Variants in CCN4 observed in about 807,000 individuals in gnomAD.
The protein encoded by CCN4 is cellular communication network factor 4.
A neutral mutation model predicts 36.7 loss-of-function variants in CCN4; 30 were observed. The observed-to-expected ratio is 0.82, with a 90% CI of 0.61 to 1.11. CCN4 has a LOEUF of 1.11. Ranked by LOEUF, CCN4 falls within the 50% of genes least tolerant of loss-of-function variation. The probability of loss-of-function intolerance (pLI) is 0.00; values close to 1 mark genes in which losing one functional copy is unlikely to be tolerated. For synonymous variants in CCN4, 191 were observed against 195.4 expected, an observed-to-expected ratio of 0.98 and a Z score of 0.19; for missense variants, 505 against 504.9, an observed-to-expected ratio of 1.00 and a Z score of 0.00.
chr8:133,204,772 C>T (rs975356412), intron 1 of CCN4, among the ~76,000 whole-genome samples: 2 of 152,212 alleles, frequency 1.3e-5, no homozygotes, highest in Non-Finnish European at 2.9e-5. Flanking sequence ...CCAGGCTGGT[C>T]TCGACCTCCT....
chr8:133,228,474 C>T lies in CCN4; in HGVS notation c.*764C>T, dbSNP rs976313373. 2 of 152,240 alleles carry T rather than the reference C, an allele frequency of 1.3e-5. No individual in the cohort carries two copies. The highest frequency in any genetic ancestry group is 2.9e-5 in the Non-Finnish European group (2 of 68,078). 9.4% of individuals were successfully genotyped at this position (152,240 alleles called of 1,614,324 possible). On this transcript the variant is annotated 3_prime_UTR_variant, in exon 5 of 5. Coordinates refer to ENST00000250160, the MANE Select transcript of CCN4 (RefSeq NM_003882.4). The stretch of plus-strand genomic sequence containing the variant: ...AGCCCGTTTCAGAAGGACCAATTGA[C>T]TCTCACACTGAATCAGCTGCTGACT...
chr8:133,223,626 GTTTC>G (rs1368488118), intron 3 of CCN4, among the ~76,000 whole-genome samples: 1 of 148,476 alleles, frequency 6.7e-6, no homozygotes, highest in East Asian at 2.2e-4. Flanking sequence ...CCTTCCTCCT[GTTTC>G]TTTCTCTCTC....
intron 2 of CCN4, among the ~76,000 whole-genome samples, chr8:133,220,185 G>A (rs1854465728): frequency 6.7e-6 from 1 of 150,264 alleles, no homozygotes; most frequent in African/African-American, 2.4e-5. Context: ...GTGTTTCGAA[G>A]TGTTCTGGCT....
At position 133,220,778 on chromosome 8, in the gene CCN4, T is replaced by C. The variant is rs1358293154; in HGVS notation, c.547T>C (p.Trp183Arg). The C allele has an allele frequency of 9.3e-6, 15 of 1,612,464 alleles. No homozygotes were observed. Among genetic ancestry groups the C allele is most frequent in the Middle Eastern group, 1.7e-4 (1 of 5,736 alleles). ...CATACCTGGCCACTGCTGTGAGCAG[T>C]GGGTATGTGAGGACGACGCCAAGAG... ...VSIPGHCCEQ[W>R]VCEDDAKRPR... The change falls in exon 3 of 5, where the codon TGG becomes CGG. Residue 183 changes from tryptophan (W) to arginine (R), a missense_variant. Transcript: ENST00000250160.
chr8:133,215,548 A>G (rs1394127398), intron 2 of CCN4, among the ~76,000 whole-genome samples: 1 of 152,156 alleles, frequency 6.6e-6, no homozygotes, highest in African/African-American at 2.4e-5. Context: ...TCATGGATCC[A>G]AAGATTGTGT....
At chr8:133,214,151 AACT>A (rs1282550868) in intron 2 of CCN4, among the ~76,000 whole-genome samples, 6 of 137,370 alleles carry the variant, frequency 4.4e-5, no homozygotes, top group African/African-American at 1.8e-4. Context: ...AGTTATATAT[AACT>A]ACTATATATA....
At chr8:133,220,160 G>C (rs187081883) in intron 2 of CCN4, among the ~76,000 whole-genome samples, 35 of 152,216 alleles carry the variant, frequency 2.3e-4, no homozygotes, top group African/African-American at 6.5e-4. Context: ...AATGTGTATG[G>C]AATGAATGGA....
At chr8:133,215,059 C>T (rs1178053858) in intron 2 of CCN4, among the ~76,000 whole-genome samples, 1 of 152,232 alleles carries the variant, frequency 6.6e-6, no homozygotes. Context: ...CATCCCACTT[C>T]TCCCATCTTT....
chr8:133,221,563 A>G (rs1341204867), intron 3 of CCN4, among the ~76,000 whole-genome samples: 1 of 149,828 alleles, frequency 6.7e-6, no homozygotes, highest in African/African-American at 2.5e-5. Flanking sequence ...GATGGATGGA[A>G]GGATGATGAA....
At chr8:133,211,795 C>T (rs575171192) in intron 1 of CCN4, among the ~76,000 whole-genome samples, 14 of 152,342 alleles carry the variant, frequency 9.2e-5, no homozygotes, top group Admixed American at 2.0e-4. Flanking sequence ...GGAGGACTGA[C>T]TCAAAGCCTG....
At chr8:133,204,583 A>G (rs1180863928) in intron 1 of CCN4, among the ~76,000 whole-genome samples, 1 of 152,196 alleles carries the variant, frequency 6.6e-6, no homozygotes, top group Admixed American at 6.5e-5. Flanking sequence ...TCTGGTTTTT[A>G]TCACTCTGTC....
intron 4 of CCN4, among the ~76,000 whole-genome samples, chr8:133,226,971 G>A (rs1305438284): frequency 6.6e-6 from 1 of 152,212 alleles, no homozygotes; most frequent in Non-Finnish European, 1.5e-5. Context: ...ATGTGTGAAA[G>A]GCCACGAGAG....
At chr8:133,194,366 GT>G (rs1853238375) in intron 1 of CCN4, among the ~76,000 whole-genome samples, 1 of 123,078 alleles carries the variant, frequency 8.1e-6, no homozygotes, top group Non-Finnish European at 1.8e-5. Flanking sequence ...GTGTGTGGGG[GT>G]GTGTGTGTGG....
intron 1 of CCN4, among the ~76,000 whole-genome samples, chr8:133,194,226 T>G (rs937870738): frequency 9.9e-5 from 15 of 151,322 alleles, no homozygotes; most frequent in African/African-American, 2.7e-4. Flanking sequence ...TGTGTGTGTG[T>G]GGGGTGGGGT....
At position 133,213,049 on chromosome 8, in the gene CCN4, C is replaced by A; in HGVS notation, c.255C>A (p.Asp85Glu). 6.2e-7 allele frequency: 1 copy of A among 1,614,178 alleles called. No individual in the cohort carries two copies. The highest frequency in any genetic ancestry group is 8.5e-7 in the Non-Finnish European group (1 of 1,180,006). The stretch of plus-strand genomic sequence containing the variant: ...AGATGTGCGCTCAGCAGCTTGGGGA[C>A]AACTGCACGGAGGCTGCCATCTGTG... The part of the protein sequence containing the change: ...CCKMCAQQLG[D>E]NCTEAAICDP... Residue 85 changes from aspartate to glutamate, a missense_variant, in exon 2 of 5, where the codon GAC (aspartate) becomes GAA (glutamate). Physicochemically the swap from Asp to Glu is conservative, Grantham distance 45 (BLOSUM62 2). Transcript: ENST00000250160.
At chr8:133,206,505 AAG>A (rs1195396950) in intron 1 of CCN4, among the ~76,000 whole-genome samples, 1 of 152,122 alleles carries the variant, frequency 6.6e-6, no homozygotes, top group Non-Finnish European at 1.5e-5. Flanking sequence ...GGGGTGGAAA[AAG>A]AGAACCATTC....
At chr8:133,192,669 T>A (rs1266685891) in intron 1 of CCN4, among the ~76,000 whole-genome samples, 1 of 152,158 alleles carries the variant, frequency 6.6e-6, no homozygotes, top group Non-Finnish European at 1.5e-5. Flanking sequence ...GCGCCTTTAT[T>A]TGGGTATAGC....
intron 1 of CCN4, among the ~76,000 whole-genome samples, chr8:133,196,813 G>T (rs1432087697): frequency 6.6e-6 from 1 of 152,182 alleles, no homozygotes; most frequent in Non-Finnish European, 1.5e-5. Context: ...CAATAGCAGG[G>T]CAGGGGAATT....
chr8:133,220,823 C>T lies in CCN4; in HGVS notation c.592C>T (p.Arg198Cys), dbSNP rs560735095. Residue 198 changes from arginine (R) to cysteine (C), a missense_variant, in exon 3 of 5, where the codon CGT (arginine) becomes TGT (cysteine). Arg to Cys is a radical substitution (Grantham distance 180, BLOSUM62 -3). Coordinates refer to ENST00000250160, the MANE Select transcript of CCN4 (RefSeq NM_003882.4). ...CAAGAGGCCACGCAAGACCGCACCC[C>T]GTGACACAGGAGCCTTCGGTGGGTG... Reference protein sequence around the residue: ...DAKRPRKTAPRDTGAFDAVGE... With the variant: ...DAKRPRKTAPCDTGAFDAVGE... The T allele has an allele frequency of 1.7e-5, 27 of 1,601,920 alleles. No individual in the cohort carries two copies. The highest frequency in any genetic ancestry group is 3.3e-5 in the South Asian group (3 of 90,754).
Sources: gnomAD v4.1 joint callset for allele counts (sites outside exome capture counted in the v4.1 genomes callset) on GRCh38, gnomAD v4.1.1 for gene constraint, MANE v1.5 for transcripts, NCBI Gene and HGNC (gene_info 2026-07-23, HGNC 2026-07-21) for gene names.